DCDC2: variants seen among roughly 807,000 people sequenced by gnomAD.
DCDC2 encodes the protein doublecortin domain-containing protein 2.
A neutral mutation model predicts 50.2 loss-of-function variants in DCDC2; 40 were observed. The ratio of observed to expected loss-of-function variants is 0.80; its 90% CI spans 0.62 to 1.04. The LOEUF (loss-of-function observed/expected upper bound fraction) is 1.04, where lower values mean the gene tolerates loss of function less well. Among genes scored for constraint, DCDC2 ranks in the 50% least tolerant of loss-of-function variants. The pLI is 0.00. For synonymous variants in DCDC2, 234 were observed against 210.6 expected, an observed-to-expected ratio of 1.11 and a Z score of -0.96; for missense variants, 570 against 581.9, an observed-to-expected ratio of 0.98 and a Z score of 0.21.
intron 2 of DCDC2, among the ~76,000 whole-genome samples, chr6:24,334,109 A>G (rs1169434739): frequency 6.6e-6 from 1 of 152,216 alleles, no homozygotes; most frequent in Non-Finnish European, 1.5e-5. Context: ...GATTAGTGGA[A>G]TTTGTTTTTA....
upstream of DCDC2, chr6:24,358,329 A>G (rs548439076): frequency 5.8e-6 from 1 of 173,164 alleles, no homozygotes; most frequent in East Asian, 1.9e-4. Flanking sequence ...AAATGTGCAA[A>G]GCCAGATGCG....
chr6:24,370,135 G>T, the DCDC2 span, among the ~76,000 whole-genome samples: 3 of 152,156 alleles, frequency 2.0e-5, no homozygotes, highest in Non-Finnish European at 4.4e-5. Context: ...TCATACGGAA[G>T]GAAAACCCCA....
intron 1 of DCDC2, among the ~76,000 whole-genome samples, chr6:24,354,722 C>T (rs2127255938): frequency 6.6e-6 from 1 of 152,258 alleles, no homozygotes; most frequent in Non-Finnish European, 1.5e-5. Context: ...GCAGAGTCAA[C>T]TTCCAACAAT....
At position 24,356,574 on chromosome 6, in the gene DCDC2, T is replaced by C. The variant is rs1257279771; in HGVS notation, c.293+884A>G. 2.0e-5 allele frequency among the ~76,000 whole-genome samples: 3 copies of C among 152,096 alleles called. No homozygotes were observed. The East Asian group carries it at 5.8e-4, about 29-fold the overall frequency. ...ATAAAGCTGTAAAAAAAAAATGGAA[T>C]GTAAAATTCTACCTGTCCTATAATG... On this transcript the variant is annotated intron_variant, in intron 1 of 9. Coordinates refer to ENST00000378454, the MANE Select transcript of DCDC2 (RefSeq NM_016356.5).
At chr6:24,359,935 A>G (rs1456529524), upstream of DCDC2, among the ~76,000 whole-genome samples, 1 of 152,176 alleles carries the variant, frequency 6.6e-6, no homozygotes, top group African/African-American at 2.4e-5. Context: ...AGGCGGGCCC[A>G]GGAGGTGCCC....
At chr6:24,323,993 A>G (rs1759815043) in intron 2 of DCDC2, among the ~76,000 whole-genome samples, 1 of 152,210 alleles carries the variant, frequency 6.6e-6, no homozygotes, top group South Asian at 2.1e-4. Flanking sequence ...ACTAATATTC[A>G]GAGGGAGGTC....
chr6:24,184,439 T>G (rs1761148335), intron 8 of DCDC2, among the ~76,000 whole-genome samples: 1 of 151,938 alleles, frequency 6.6e-6, no homozygotes, highest in Admixed American at 6.6e-5. Context: ...CCGGGCTTGG[T>G]GGTGCATATC....
intron 2 of DCDC2, among the ~76,000 whole-genome samples, chr6:24,306,543 TAGACAGACAGACAGAC>T (rs1160445956): frequency 8.0e-4 from 92 of 115,720 alleles, no homozygotes; most frequent in African/African-American, 2.8e-3. Context: ...GATAGATAGA[TAGACAGACAGACAGAC>T]AGACAGACAG....
At chr6:24,345,679 G>A (rs1275372413) in intron 2 of DCDC2, among the ~76,000 whole-genome samples, 1 of 152,192 alleles carries the variant, frequency 6.6e-6, no homozygotes, top group Admixed American at 6.5e-5. Flanking sequence ...AGTACAGATA[G>A]CACACTTATT....
intron 2 of DCDC2, among the ~76,000 whole-genome samples, chr6:24,330,557 A>G (rs1328956467): frequency 6.6e-6 from 1 of 152,230 alleles, no homozygotes; most frequent in Non-Finnish European, 1.5e-5. Flanking sequence ...AGAACACTTG[A>G]AAGAATTTCT....
chr6:24,336,245 GC>G (rs1460984668), intron 2 of DCDC2, among the ~76,000 whole-genome samples: 1 of 152,102 alleles, frequency 6.6e-6, no homozygotes, highest in Non-Finnish European at 1.5e-5. Context: ...TAGTTCTCCA[GC>G]CCCACCAGAG....
At chr6:24,259,074 A>G (rs901095433) in intron 7 of DCDC2, among the ~76,000 whole-genome samples, 1 of 151,906 alleles carries the variant, frequency 6.6e-6, no homozygotes, top group South Asian at 2.1e-4. Context: ...CCCCCTTTCC[A>G]CTAGCGTGGG....
chr6:24,302,682 G>A lies in DCDC2; in HGVS notation c.349-638C>T, dbSNP rs1406613734. On this transcript the variant is annotated intron_variant, in intron 2 of 9. Coordinates refer to ENST00000378454, the MANE Select transcript of DCDC2 (RefSeq NM_016356.5). The stretch of plus-strand genomic sequence containing the variant: ...GCTTCCAGGGTCCCAGCTGCTATTA[G>A]AGAGAACCACGGGGCCCCATGAGCA... Among the ~76,000 whole-genome samples, 2 of 152,150 alleles carry A rather than the reference G, an allele frequency of 1.3e-5. 1 individual carries two copies. The highest frequency in any genetic ancestry group is 3.9e-4 in the East Asian group (2 of 5,168).
chr6:24,280,341 T>G (rs1369195547), intron 6 of DCDC2, among the ~76,000 whole-genome samples: 5 of 152,038 alleles, frequency 3.3e-5, no homozygotes, highest in Non-Finnish European at 7.4e-5. Flanking sequence ...AGTTTCCATT[T>G]AATTATTATG....
At chr6:24,359,150 T>TATATATA, upstream of DCDC2, among the ~76,000 whole-genome samples, 2 of 60,738 alleles carry the variant, frequency 3.3e-5, no homozygotes, top group Admixed American at 3.4e-4. Flanking sequence ...TATTATATAT[T>TATATATA]TTATATATTT....
chr6:24,241,802 A>G (rs572843015), intron 7 of DCDC2, among the ~76,000 whole-genome samples: 29 of 152,370 alleles, frequency 1.9e-4, no homozygotes, highest in Non-Finnish European at 3.8e-4. Flanking sequence ...CCCTAAAGAC[A>G]GTAGAATATA....
chr6:24,255,746 T>TA (rs1762887201), intron 7 of DCDC2, among the ~76,000 whole-genome samples: 1 of 152,160 alleles, frequency 6.6e-6, no homozygotes, highest in Non-Finnish European at 1.5e-5. Flanking sequence ...GAGATGCCAC[T>TA]ACTCATCTGC....
At chr6:24,216,052 G>T (rs1218577500) in intron 7 of DCDC2, among the ~76,000 whole-genome samples, 3 of 151,986 alleles carry the variant, frequency 2.0e-5, no homozygotes, top group African/African-American at 4.8e-5. Flanking sequence ...GAGGTGATGG[G>T]GTCTGATTTT....
At chr6:24,175,583 T>A (rs1399697079) in intron 9 of DCDC2, among the ~76,000 whole-genome samples, 1 of 152,214 alleles carries the variant, frequency 6.6e-6, no homozygotes, top group Non-Finnish European at 1.5e-5. Context: ...TATATATATA[T>A]GACTGGTGCC....
Sources: gnomAD v4.1 joint callset for allele counts (sites outside exome capture counted in the v4.1 genomes callset) on GRCh38, gnomAD v4.1.1 for gene constraint, MANE v1.5 for transcripts, NCBI Gene and HGNC (gene_info 2026-07-23, HGNC 2026-07-21) for gene names.